The following DRC8 variants were observed in gnomAD, a reference collection of about 807,000 sequenced individuals.
DRC8 encodes dynein regulatory complex protein 8.
At chr1:245,092,983 T>C in the DRC8 span, among the ~76,000 whole-genome samples, 2 of 151,970 alleles carry the variant, frequency 1.3e-5, no homozygotes, top group African/African-American at 2.4e-5. Flanking sequence ...AATGAAATAA[T>C]AAAAGTGAAA....
chr1:244,985,141 C>A, the DRC8 span, among the ~76,000 whole-genome samples: 1 of 144,520 alleles, frequency 6.9e-6, no homozygotes, highest in African/African-American at 2.6e-5. Context: ...TTCTACACTT[C>A]ATTATACGCT....
At chr1:245,069,488 A>G in the DRC8 span, among the ~76,000 whole-genome samples, 1 of 152,044 alleles carries the variant, frequency 6.6e-6, no homozygotes, top group Non-Finnish European at 1.5e-5. Flanking sequence ...GGAGAAGTGG[A>G]CCCATGGATT....
At chr1:244,974,801 T>A in the DRC8 span, among the ~76,000 whole-genome samples, 1 of 152,182 alleles carries the variant, frequency 6.6e-6, no homozygotes, top group Non-Finnish European at 1.5e-5. Context: ...CTCAAGCGAT[T>A]CCCCCGACCT....
the DRC8 span, among the ~76,000 whole-genome samples, chr1:245,000,571 G>A: frequency 6.6e-6 from 1 of 152,190 alleles, no homozygotes; most frequent in African/African-American, 2.4e-5. Flanking sequence ...ATGAGGTCAG[G>A]AGATTGAAAC....
chr1:245,124,489 GA>G, the DRC8 span: 2 of 152,178 alleles, frequency 1.3e-5, no homozygotes, highest in African/African-American at 4.8e-5. Flanking sequence ...ATTCTGGACA[GA>G]AATATAGTTG....
At chr1:245,110,405 CAAAACA>C in the DRC8 span, among the ~76,000 whole-genome samples, 1 of 152,020 alleles carries the variant, frequency 6.6e-6, no homozygotes, top group East Asian at 1.9e-4. Context: ...CAAAACAAAA[CAAAACA>C]AAACAAAGAA....
the DRC8 span, among the ~76,000 whole-genome samples, chr1:244,986,595 G>T: frequency 2.0e-5 from 3 of 152,104 alleles, no homozygotes; most frequent in African/African-American, 7.2e-5. Context: ...TTGGCCAGAT[G>T]TGATGGCACG....
the DRC8 span, among the ~76,000 whole-genome samples, chr1:245,016,488 G>A: frequency 3.9e-5 from 6 of 152,040 alleles, no homozygotes; most frequent in Middle Eastern, 3.4e-3. Flanking sequence ...CCCCACCCAC[G>A]CCCAGCACTC....
chr1:245,089,860 A>G, the DRC8 span, among the ~76,000 whole-genome samples: 1 of 152,158 alleles, frequency 6.6e-6, no homozygotes, highest in Admixed American at 6.5e-5. This position sits in a 1 kb window ranked among gnomAD's most constrained non-coding sequence, Gnocchi z 4.8. Context: ...AGAGCAATAA[A>G]GAGATTTAGG....
the DRC8 span, chr1:244,970,312 A>T: frequency 1.8e-6 from 2 of 1,082,490 alleles, no homozygotes; most frequent in Non-Finnish European, 2.6e-6. Context: ...CGGGATTCAG[A>T]GCGGCCCCTC....
the DRC8 span, among the ~76,000 whole-genome samples, chr1:244,995,103 C>T: frequency 6.6e-6 from 1 of 152,000 alleles, no homozygotes; most frequent in South Asian, 2.1e-4. Flanking sequence ...TGGCTCACAC[C>T]TGTCATCCCC....
the DRC8 span, among the ~76,000 whole-genome samples, chr1:245,111,325 C>T: frequency 6.6e-6 from 1 of 152,190 alleles, no homozygotes; most frequent in African/African-American, 2.4e-5. Flanking sequence ...CACTCCCAGC[C>T]TCTGCCCACC....
chr1:245,008,348 A>C, the DRC8 span, among the ~76,000 whole-genome samples: 1 of 152,204 alleles, frequency 6.6e-6, no homozygotes, highest in Non-Finnish European at 1.5e-5. Context: ...TTTATAAGAA[A>C]ATAAAACAGA....
At chr1:245,112,168 G>A in the DRC8 span, among the ~76,000 whole-genome samples, 15 of 152,192 alleles carry the variant, frequency 9.9e-5, no homozygotes, top group Admixed American at 6.5e-4. Context: ...TCCGCCTCCC[G>A]GGTTCAAGCG....
chr1:245,031,785 C>T, the DRC8 span, among the ~76,000 whole-genome samples: 2 of 152,030 alleles, frequency 1.3e-5, no homozygotes, highest in East Asian at 3.9e-4. Flanking sequence ...ACAGGATGGC[C>T]CCCTTCAGGG....
At chr1:245,018,605 T>A in the DRC8 span, among the ~76,000 whole-genome samples, 2 of 151,998 alleles carry the variant, frequency 1.3e-5, no homozygotes, top group Non-Finnish European at 2.9e-5. Flanking sequence ...ACTACATGAA[T>A]GACAAGTGCC....
chr1:245,057,700 C>T, the DRC8 span, among the ~76,000 whole-genome samples: 7 of 151,554 alleles, frequency 4.6e-5, 1 homozygote, highest in East Asian at 1.2e-3. Flanking sequence ...TTATGAGGTC[C>T]GTGGGCTATT....
the DRC8 span, among the ~76,000 whole-genome samples, chr1:245,115,473 A>G: frequency 7.2e-5 from 11 of 152,374 alleles, no homozygotes; most frequent in Middle Eastern, 0.014. Flanking sequence ...TGAGAAGTGA[A>G]GTTCAGGGAA....
chr1:245,061,230 G>A, the DRC8 span, among the ~76,000 whole-genome samples: 1 of 152,288 alleles, frequency 6.6e-6, no homozygotes, highest in East Asian at 1.9e-4. Flanking sequence ...GTTTTTATGA[G>A]GATTAAATTT....
Sources: gnomAD v4.1 joint callset for allele counts (sites outside exome capture counted in the v4.1 genomes callset) on GRCh38, gnomAD v4.1.1 for gene constraint, Gnocchi (gnomAD v3.1) non-coding constraint, MANE v1.5 for transcripts, NCBI Gene and HGNC (gene_info 2026-07-23, HGNC 2026-07-21) for gene names.